The following SORCS3 variants were observed in gnomAD, a reference collection of about 807,000 sequenced individuals.
The protein encoded by SORCS3 is sortilin related VPS10 domain containing receptor 3.
SORCS3 carries 57 observed loss-of-function variants against 146.3 expected under a neutral mutation model. That is an observed-to-expected ratio of 0.39 (90% CI 0.31 to 0.49). SORCS3 has a LOEUF of 0.49. Ranked by LOEUF, SORCS3 falls within the 20% of genes least tolerant of loss-of-function variation. SORCS3 has a pLI of 0.92. For synonymous variants in SORCS3, 653 were observed against 618.5 expected (o/e 1.06, Z -0.83); for missense variants, 1,341 against 1,575.5 (o/e 0.85, Z 2.52).
intron 4 of SORCS3, 105 bp from the exon 5 acceptor site, chr10:105,042,950 G>T: frequency 1.2e-6 from 1 of 854,898 alleles, no homozygotes. Flanking sequence ...ATGCCTACTT[G>T]GGTGTGTTGG....
At chr10:105,236,076 C>T (rs958686611) in intron 20 of SORCS3, among the ~76,000 whole-genome samples, 1 of 152,084 alleles carries the variant, frequency 6.6e-6, no homozygotes, top group African/African-American at 2.4e-5. Context: ...ATATGTGCCT[C>T]ATATTTTCAA....
chr10:105,246,410 T>C (rs1361778484), intron 21 of SORCS3, among the ~76,000 whole-genome samples: 1 of 150,140 alleles, frequency 6.7e-6, no homozygotes, highest in Admixed American at 6.8e-5. Flanking sequence ...ATTTCTTCAT[T>C]TCTTCTTTTT....
intron 1 of SORCS3, among the ~76,000 whole-genome samples, chr10:104,800,676 G>A (rs544725204): frequency 6.6e-6 from 1 of 152,284 alleles, no homozygotes; most frequent in Non-Finnish European, 1.5e-5. Flanking sequence ...TCTGAAAATA[G>A]TAATAAAAAT....
chr10:105,084,572 G>A (rs2055646199), intron 5 of SORCS3, among the ~76,000 whole-genome samples: 1 of 152,158 alleles, frequency 6.6e-6, no homozygotes, highest in African/African-American at 2.4e-5. Flanking sequence ...CTGGTGAGTT[G>A]TTATGGTTCT....
chr10:105,216,955 A>G lies in SORCS3; in HGVS notation c.2567A>G (p.Asn856Ser). ...TTGCAGGGTGATCTACAAAGGACAA[A>G]CATCCAGCTTGACTTTGGGGATGGG... ...LMEEGDLQRT[N>S]IQLDFGDGIA... Residue 856 changes from asparagine (N) to serine (S), a missense_variant, in exon 19 of 27, where the codon AAC becomes AGC. Transcript: ENST00000369701. 6.2e-7 allele frequency: 1 copy of G among 1,614,176 alleles called. No individual in the cohort carries two copies. Among genetic ancestry groups the G allele is most frequent in the Non-Finnish European group, 8.5e-7 (1 of 1,180,030 alleles).
chr10:104,876,448 C>T (rs1589532790), intron 2 of SORCS3, among the ~76,000 whole-genome samples: 1 of 152,218 alleles, frequency 6.6e-6, no homozygotes, highest in East Asian at 1.9e-4. Context: ...GGTTGTCTGG[C>T]ACTTATAGAT....
intron 4 of SORCS3, among the ~76,000 whole-genome samples, chr10:104,995,009 A>C (rs1310123202): frequency 1.3e-5 from 2 of 152,096 alleles, no homozygotes; most frequent in Admixed American, 1.3e-4. Context: ...AAAATGTCAA[A>C]CCATTTCCTA....
chr10:104,710,527 T>C (rs1481498507), intron 1 of SORCS3, among the ~76,000 whole-genome samples: 1 of 152,146 alleles, frequency 6.6e-6, no homozygotes, highest in Non-Finnish European at 1.5e-5. Context: ...ACATAATACA[T>C]ACAGAATACT....
At chr10:104,940,221 TATATATATATATA>T (rs2019299519) in intron 3 of SORCS3, among the ~76,000 whole-genome samples, 5 of 15,262 alleles carry the variant, frequency 3.3e-4, no homozygotes, top group Admixed American at 6.7e-4. Context: ...TATATATATA[TATATATATATATA>T]TATATTTTTT....
rs553579170 is a variant in SORCS3 at position 104,743,580 on chromosome 10, A to G, written c.628-99212A>G. On this transcript the variant is annotated intron_variant, in intron 1 of 26. Coordinates refer to ENST00000369701, the MANE Select transcript of SORCS3 (RefSeq NM_014978.3). ...CCTTCTGCTAGGGTTCCTGGACCAGATGGATAATCTTGGGGGTAAAGGAGG... is the reference window on the plus strand; with the variant it reads ...CCTTCTGCTAGGGTTCCTGGACCAGGTGGATAATCTTGGGGGTAAAGGAGG... Among the ~76,000 whole-genome samples, 53 of 152,074 alleles carry G rather than the reference A, an allele frequency of 3.5e-4. 1 individual carries two copies. The highest frequency in any genetic ancestry group is 6.6e-4 in the Non-Finnish European group (45 of 68,010).
At position 105,223,112 on chromosome 10, in the gene SORCS3, T is replaced by G. The variant is rs759327979; in HGVS notation, c.2735-4T>G. 41 of 1,598,996 alleles carry G rather than the reference T, an allele frequency of 2.6e-5. No homozygotes were observed. The highest frequency in any genetic ancestry group is 3.5e-5 in the Non-Finnish European group (41 of 1,170,010). ...ACACTGACTTTTTTTTTCTGTTTCC[T>G]TAGGTCCTGTGGAGCATGTTCATCT... is the stretch of plus-strand genomic sequence containing the variant. On this transcript the variant is annotated splice_polypyrimidine_tract_variant and splice_region_variant and intron_variant, in intron 19 of 26. Transcript: ENST00000369701.
chr10:104,934,043 C>T (rs987011019), intron 3 of SORCS3, among the ~76,000 whole-genome samples: 15 of 152,124 alleles, frequency 9.9e-5, no homozygotes, highest in African/African-American at 4.8e-5. Flanking sequence ...CTGCCTGCCT[C>T]GGCCTCCCAA....
chr10:105,166,590 T>G (rs937318800), intron 12 of SORCS3, among the ~76,000 whole-genome samples: 2 of 152,080 alleles, frequency 1.3e-5, no homozygotes, highest in African/African-American at 4.8e-5. Flanking sequence ...GATGGAATAC[T>G]GAATAAGGGA....
At chr10:104,655,030 A>G (rs769685284) in intron 1 of SORCS3, among the ~76,000 whole-genome samples, 2 of 152,184 alleles carry the variant, frequency 1.3e-5, no homozygotes, top group Non-Finnish European at 2.9e-5. Flanking sequence ...AGGCAGACAG[A>G]TTACCTGAGG....
chr10:104,770,804 G>T (rs980564742), intron 1 of SORCS3, among the ~76,000 whole-genome samples: 1 of 152,048 alleles, frequency 6.6e-6, no homozygotes, highest in African/African-American at 2.4e-5. Flanking sequence ...CTGCACTCCA[G>T]CCTGGGTGAC....
intron 5 of SORCS3, among the ~76,000 whole-genome samples, chr10:105,065,852 C>T (rs2055519337): frequency 6.6e-6 from 1 of 152,194 alleles, no homozygotes; most frequent in African/African-American, 2.4e-5. Flanking sequence ...GATGTTTGTT[C>T]TTTCCTAATC....
At chr10:105,231,907 T>C (rs11192370) in intron 20 of SORCS3, among the ~76,000 whole-genome samples, 11,599 of 152,232 alleles carry the variant, frequency 0.076, 535 homozygotes, top group Middle Eastern at 0.17. Flanking sequence ...AATTTGCTAA[T>C]GCTTTATTGA....
In SORCS3 at chr10:104,654,128, T is replaced by C. The variant is rs115288436; in HGVS notation, c.627+12174T>C. On this transcript the variant is annotated intron_variant, in intron 1 of 26. Transcript: ENST00000369701. ...TTCCATCCATGTTTTTGCAAATGAC[T>C]GAATCTCATTCGTTTTTATGGCTGA... 5.9e-3 allele frequency among the ~76,000 whole-genome samples: 902 copies of C among 152,330 alleles called. 10 individuals are homozygous for C. The highest frequency in any genetic ancestry group is 0.021 in the African/African-American group (870 of 41,564).
intron 7 of SORCS3, among the ~76,000 whole-genome samples, chr10:105,110,205 CA>C (rs766028727): frequency 6.6e-5 from 10 of 150,806 alleles, no homozygotes; most frequent in Non-Finnish European, 1.3e-4. Flanking sequence ...TGAGCTTTGC[CA>C]GTTTATATTG....
Sources: gnomAD v4.1 joint callset for allele counts (sites outside exome capture counted in the v4.1 genomes callset) on GRCh38, gnomAD v4.1.1 for gene constraint, MANE v1.5 for transcripts, NCBI Gene and HGNC (gene_info 2026-07-23, HGNC 2026-07-21) for gene names.